MYRIP: variants seen among roughly 807,000 people sequenced by gnomAD.
MYRIP encodes the protein rab effector MyRIP.
MYRIP carries 49 observed loss-of-function variants against 98.0 expected under a neutral mutation model. That is an observed-to-expected ratio of 0.50 (90% CI 0.40 to 0.63). MYRIP has a LOEUF of 0.63. Among genes scored for constraint, MYRIP ranks in the 30% least tolerant of loss-of-function variants. MYRIP has a pLI of 0.00. For synonymous variants in MYRIP, 404 were observed against 409.5 expected, an observed-to-expected ratio of 0.99 and a Z score of 0.16; for missense variants, 1,004 against 1,058.2, an observed-to-expected ratio of 0.95 and a Z score of 0.71.
chr3:40,157,592 C>G lies in MYRIP; in HGVS notation c.470-5138C>G, dbSNP rs533632732. Among the ~76,000 whole-genome samples, 1,020 of 145,496 alleles carry G rather than the reference C, an allele frequency of 7.0e-3. 6 individuals are homozygous for G. The highest frequency in any genetic ancestry group is 0.011 in the Non-Finnish European group (720 of 66,088). On this transcript the variant is annotated intron_variant, in intron 4 of 16. Transcript: ENST00000302541. ...ATGGTACCAGTTCCTCCTTGTACCT[C>G]TGGTAGAATTTGGCTGTGAATCCAT...
At chr3:40,130,995 A>G (rs1404483704) in intron 3 of MYRIP, among the ~76,000 whole-genome samples, 2 of 152,152 alleles carry the variant, frequency 1.3e-5, no homozygotes, top group Non-Finnish European at 2.9e-5. Flanking sequence ...ATTTTGAACT[A>G]GACTTGGCAC....
chr3:40,207,962 A>C (rs1247131217), intron 10 of MYRIP, among the ~76,000 whole-genome samples: 1 of 152,126 alleles, frequency 6.6e-6, no homozygotes, highest in Non-Finnish European at 1.5e-5. Context: ...AGTTTTTGGA[A>C]TTTTCAATTG....
chr3:39,876,631 T>C (rs4635640), intron 1 of MYRIP, among the ~76,000 whole-genome samples: 1 of 150,640 alleles, frequency 6.6e-6, no homozygotes, highest in Non-Finnish European at 1.5e-5. Flanking sequence ...GAAATTCTGG[T>C]TTGAAAATTC....
intron 3 of MYRIP, among the ~76,000 whole-genome samples, chr3:40,098,104 C>T (rs968312598): frequency 3.9e-5 from 6 of 152,048 alleles, no homozygotes; most frequent in African/African-American, 1.4e-4. Context: ...TGTATTGGGC[C>T]CCATCAGAGA....
intron 8 of MYRIP, among the ~76,000 whole-genome samples, chr3:40,176,051 ATAT>A (rs1169175968): frequency 3.9e-5 from 6 of 152,368 alleles, no homozygotes; most frequent in African/African-American, 1.4e-4. Context: ...ACATAAGGAC[ATAT>A]TATTAGACCA....
chr3:39,974,958 A>G (rs1945707557), intron 2 of MYRIP, among the ~76,000 whole-genome samples: 1 of 152,192 alleles, frequency 6.6e-6, no homozygotes, highest in Non-Finnish European at 1.5e-5. Context: ...GGCAAAAACT[A>G]GAAGCATTCC....
intron 3 of MYRIP, among the ~76,000 whole-genome samples, chr3:40,060,691 A>G (rs577127874): frequency 4.0e-5 from 6 of 150,868 alleles, no homozygotes; most frequent in African/African-American, 7.3e-5. Context: ...TCCTGGGTTC[A>G]AGCAATAATC....
At chr3:40,111,855 G>T (rs1204236056) in intron 3 of MYRIP, among the ~76,000 whole-genome samples, 1 of 152,198 alleles carries the variant, frequency 6.6e-6, no homozygotes, top group Non-Finnish European at 1.5e-5. Flanking sequence ...GAGTTGAAGA[G>T]AAAGTATACT....
At chr3:39,888,856 A>C (rs937858121) in intron 1 of MYRIP, among the ~76,000 whole-genome samples, 17 of 152,302 alleles carry the variant, frequency 1.1e-4, no homozygotes, top group Admixed American at 4.6e-4. Context: ...ACCCCATCAA[A>C]AAGTGGGCGA....
intron 2 of MYRIP, among the ~76,000 whole-genome samples, chr3:40,037,260 C>T (rs758119802): frequency 1.3e-5 from 2 of 151,960 alleles, no homozygotes; most frequent in Non-Finnish European, 2.9e-5. Flanking sequence ...TCCTTTGTCC[C>T]GTACCTGTGA....
intron 2 of MYRIP, among the ~76,000 whole-genome samples, chr3:39,957,428 C>G (rs2125726881): frequency 1.3e-5 from 2 of 152,178 alleles, no homozygotes; most frequent in South Asian, 4.2e-4. Flanking sequence ...CGACAAAAAC[C>G]ACATGATTAT....
intron 12 of MYRIP, 99 bp from the exon 13 acceptor site, chr3:40,244,345 CCA>C: frequency 2.0e-6 from 2 of 1,020,508 alleles, no homozygotes; most frequent in South Asian, 2.1e-5. Flanking sequence ...AATGTGAAGT[CCA>C]GTTATCTCAC....
At chr3:39,845,218 C>T (rs1163577675) in intron 1 of MYRIP, among the ~76,000 whole-genome samples, 1 of 152,038 alleles carries the variant, frequency 6.6e-6, no homozygotes. Context: ...AGGTAGAGTG[C>T]TACCTCTGTC....
At chr3:39,931,825 G>A (rs1002160275) in intron 2 of MYRIP, among the ~76,000 whole-genome samples, 2 of 152,092 alleles carry the variant, frequency 1.3e-5, no homozygotes, top group African/African-American at 4.8e-5. Context: ...ACTTTTAGAT[G>A]TTATACCAAT....
chr3:39,847,374 TAAGA>T (rs1941995024), intron 1 of MYRIP, among the ~76,000 whole-genome samples: 1 of 152,098 alleles, frequency 6.6e-6, no homozygotes, highest in Non-Finnish European at 1.5e-5. Context: ...GATAAGGAGG[TAAGA>T]AAGAGAAGAA....
intron 3 of MYRIP, among the ~76,000 whole-genome samples, chr3:40,096,256 A>G (rs942845334): frequency 6.6e-6 from 1 of 152,088 alleles, no homozygotes; most frequent in South Asian, 2.1e-4. Flanking sequence ...GCTGTAGTCA[A>G]AAAAGGGGTG....
intron 16 of MYRIP, among the ~76,000 whole-genome samples, chr3:40,253,287 A>C (rs1430328384): frequency 6.6e-6 from 1 of 152,178 alleles, no homozygotes; most frequent in Non-Finnish European, 1.5e-5. Flanking sequence ...CCAGTGACAT[A>C]TGTTCAACAG....
intron 2 of MYRIP, among the ~76,000 whole-genome samples, chr3:39,931,615 T>A (rs2125700256): frequency 6.6e-6 from 1 of 152,284 alleles, no homozygotes; most frequent in African/African-American, 2.4e-5. Flanking sequence ...AAGCATTCAG[T>A]CTTTATTCAT....
At chr3:40,224,866 C>T (rs2292904) in intron 11 of MYRIP, among the ~76,000 whole-genome samples, 2,494 of 152,294 alleles carry the variant, frequency 0.016, 17 homozygotes, top group East Asian at 0.031. Context: ...CAGTTCTGTG[C>T]CACCCTCTTG....
Sources: allele counts gnomAD v4.1 joint callset (sites outside exome capture counted in the v4.1 genomes callset), GRCh38; gene constraint gnomAD v4.1.1; transcripts MANE v1.5; gene names NCBI Gene and HGNC (gene_info 2026-07-23, HGNC 2026-07-21).